The following JAK1 variants were observed in gnomAD, a reference collection of about 807,000 sequenced individuals.
JAK1 encodes the protein tyrosine-protein kinase JAK1.
Under a neutral mutation model 136.6 loss-of-function variants are expected in JAK1, and 16 were observed. The ratio of observed to expected loss-of-function variants is 0.12; its 90% CI spans 0.08 to 0.18. The LOEUF is 0.18. Ranked by LOEUF, JAK1 falls within the 10% of genes least tolerant of loss-of-function variation. JAK1 has a pLI of 1.00. For missense variants in JAK1, 859 were observed against 1,450.1 expected, an observed-to-expected ratio of 0.59 and a Z score of 6.62; for synonymous variants, 492 against 519.5, an observed-to-expected ratio of 0.95 and a Z score of 0.72.
chr1:65,034,794 C>T (rs1647058037), intron 2 of JAK1, among the ~76,000 whole-genome samples: 2 of 152,158 alleles, frequency 1.3e-5, no homozygotes, highest in Non-Finnish European at 2.9e-5. Context: ...GTGGCTCATG[C>T]CTGTAATCCC....
At chr1:64,867,542 C>T (rs1433724864) in intron 6 of JAK1, among the ~76,000 whole-genome samples, 1 of 152,220 alleles carries the variant, frequency 6.6e-6, no homozygotes, top group African/African-American at 2.4e-5. Context: ...GTACTCACAT[C>T]TACACACTGT....
intron 2 of JAK1, among the ~76,000 whole-genome samples, chr1:65,035,948 G>T (rs1478494615): frequency 6.6e-6 from 1 of 151,892 alleles, no homozygotes; most frequent in Non-Finnish European, 1.5e-5. Context: ...CACGCCTGTA[G>T]TCCCAGCTAC....
At chr1:64,868,860 A>G (rs1218768158) in intron 6 of JAK1, among the ~76,000 whole-genome samples, 1 of 152,244 alleles carries the variant, frequency 6.6e-6, no homozygotes, top group African/African-American at 2.4e-5. Context: ...GTAGTTGATC[A>G]ATTCTCACAT....
chr1:65,007,704 C>G (rs1646814719), intron 2 of JAK1, among the ~76,000 whole-genome samples: 2 of 150,608 alleles, frequency 1.3e-5, no homozygotes, highest in Non-Finnish European at 2.9e-5. Context: ...CTCAGGTGAT[C>G]CGCCCACCTC....
intron 1 of JAK1, among the ~76,000 whole-genome samples, chr1:64,944,335 T>C (rs1222286871): frequency 6.6e-6 from 1 of 152,080 alleles, no homozygotes; most frequent in Non-Finnish European, 1.5e-5. Context: ...AAAATTATTA[T>C]ATCCACAAAT....
At chr1:64,986,109 GTTTTT>G in intron 2 of JAK1, 1 of 553,494 alleles carries the variant, frequency 1.8e-6, no homozygotes, top group Non-Finnish European at 3.0e-6. Context: ...CAATCTAATT[GTTTTT>G]TTTTTTTTTG....
At chr1:64,859,913 G>A (rs1265013742) in intron 9 of JAK1, 192 bp downstream of exon 9, 3 of 421,262 alleles carry the variant, frequency 7.1e-6, no homozygotes, top group African/African-American at 5.9e-5. Context: ...TTGAGGGGCT[G>A]CTGCAAAGAG....
chr1:64,924,390 T>C (rs1325161333), intron 1 of JAK1, among the ~76,000 whole-genome samples: 2 of 152,182 alleles, frequency 1.3e-5, no homozygotes, highest in South Asian at 2.1e-4. Flanking sequence ...ATGCAGGCTA[T>C]AGAAAAATTC....
intron 8 of JAK1, 83 bp from the exon 9 acceptor site, chr1:64,860,345 A>C (rs1156748829): frequency 8.4e-7 from 1 of 1,192,460 alleles, no homozygotes; most frequent in African/African-American, 1.5e-5. Context: ...GTGCACAGTG[A>C]GAAGATTTTT....
intron 1 of JAK1, among the ~76,000 whole-genome samples, chr1:64,938,225 A>G (rs962190339): frequency 1.3e-5 from 2 of 152,116 alleles, no homozygotes; most frequent in Non-Finnish European, 2.9e-5. Flanking sequence ...AAAAAGTTCA[A>G]TTATACAAAG....
chr1:64,880,141 G>T (rs189370460), intron 3 of JAK1, among the ~76,000 whole-genome samples: 1 of 152,118 alleles, frequency 6.6e-6, no homozygotes, highest in Non-Finnish European at 1.5e-5. Flanking sequence ...ACACCCAGGC[G>T]GGGACTCTCT....
intron 18 of JAK1, 55 bp downstream of exon 18, chr1:64,841,396 C>G (rs1654897334): frequency 6.2e-7 from 1 of 1,612,602 alleles, no homozygotes; most frequent in Non-Finnish European, 8.5e-7. Context: ...GGGATTGCCA[C>G]CCAGGCTCCT....
At chr1:64,905,360 G>A (rs568544698) in intron 1 of JAK1, among the ~76,000 whole-genome samples, 18 of 152,298 alleles carry the variant, frequency 1.2e-4, no homozygotes, top group African/African-American at 2.2e-4. Context: ...AACTGTATCC[G>A]ATTCACATTT....
intron 2 of JAK1, among the ~76,000 whole-genome samples, chr1:64,982,737 A>G (rs74080244): frequency 0.035 from 5,305 of 151,920 alleles, 317 homozygotes; most frequent in African/African-American, 0.12. Context: ...CAGTTTTTTA[A>G]TCTGTAAAAT....
At chr1:65,018,491 C>CACACACACAA (rs1646909341) in intron 2 of JAK1, among the ~76,000 whole-genome samples, 1 of 141,562 alleles carries the variant, frequency 7.1e-6, no homozygotes, top group African/African-American at 2.8e-5. Flanking sequence ...AGAGAGAACA[C>CACACACACAA]ACACACACAC....
At position 64,834,533 on chromosome 1, in the gene JAK1, C is replaced by A; in HGVS notation, c.*29G>T. The A allele has an allele frequency of 1.4e-6, 2 of 1,399,276 alleles. No homozygotes were observed. The highest frequency in any genetic ancestry group is 1.2e-5 in the South Asian group (1 of 84,670). 86.7% of individuals were successfully genotyped at this position (1,399,276 alleles called of 1,614,324 possible). A position where few individuals can be genotyped will look rare whatever the true frequency, so the allele number is the denominator to read the frequency against. On this transcript the variant is annotated 3_prime_UTR_variant, in exon 25 of 25. Coordinates refer to ENST00000342505, the MANE Select transcript of JAK1 (RefSeq NM_002227.4). The stretch of plus-strand genomic sequence containing the variant: ...TGTTGCAGGAGAAGGACTTGATAAT[C>A]TGTGGAATTTAAATGTTATTCATGC...
chr1:64,911,679 C>T (rs1645288341), intron 1 of JAK1, among the ~76,000 whole-genome samples: 1 of 152,188 alleles, frequency 6.6e-6, no homozygotes, highest in South Asian at 2.1e-4. Context: ...ATGATATGCA[C>T]CTAGCTAAGT....
intron 2 of JAK1, among the ~76,000 whole-genome samples, chr1:64,976,952 A>T (rs1018981716): frequency 6.6e-6 from 1 of 152,108 alleles, no homozygotes; most frequent in African/African-American, 2.4e-5. Flanking sequence ...TGAGCTCCAG[A>T]AATAGCTATA....
chr1:65,008,613 C>CTCCCCTTCCCCT (rs111991178), intron 2 of JAK1, among the ~76,000 whole-genome samples: 1 of 151,368 alleles, frequency 6.6e-6, no homozygotes, highest in East Asian at 2.0e-4. Flanking sequence ...ATAAGTCCTG[C>CTCCCCTTCCCCT]TCCCCTTCCC....
Sources: gnomAD v4.1 joint callset for allele counts (sites outside exome capture counted in the v4.1 genomes callset) on GRCh38, gnomAD v4.1.1 for gene constraint, MANE v1.5 for transcripts, NCBI Gene and HGNC (gene_info 2026-07-23, HGNC 2026-07-21) for gene names.